Variants in EXTL3 observed in about 807,000 individuals in gnomAD.
EXTL3 encodes exostosin like glycosyltransferase 3.
Under a neutral mutation model 69.3 loss-of-function variants are expected in EXTL3, and 27 were observed. The ratio of observed to expected loss-of-function variants is 0.39; its 90% CI spans 0.29 to 0.54. The LOEUF (loss-of-function observed/expected upper bound fraction) is 0.54. Among genes scored for constraint, EXTL3 ranks in the 20% least tolerant of loss-of-function variants. The probability of loss-of-function intolerance (pLI) is 0.69; values close to 1 mark genes in which losing one functional copy is unlikely to be tolerated. For synonymous variants in EXTL3, 511 were observed against 499.4 expected, an observed-to-expected ratio of 1.02 and a Z score of -0.31; for missense variants, 1,003 against 1,231.8, an observed-to-expected ratio of 0.81 and a Z score of 2.78.
chr8:28,704,560 C>T (rs1245164266), intron 1 of EXTL3, among the ~76,000 whole-genome samples: 1 of 152,118 alleles, frequency 6.6e-6, no homozygotes, highest in Admixed American at 6.5e-5. Flanking sequence ...TGGATGTTTG[C>T]TTTTTTGACC....
intron 1 of EXTL3, among the ~76,000 whole-genome samples, chr8:28,657,824 G>C (rs1260579303): frequency 1.3e-5 from 2 of 152,176 alleles, no homozygotes; most frequent in African/African-American, 2.4e-5. Flanking sequence ...AGAGTTCCAA[G>C]CTTGGCTTGG....
chr8:28,694,719 AAT>A (rs1800660455), intron 1 of EXTL3, among the ~76,000 whole-genome samples: 1 of 152,226 alleles, frequency 6.6e-6, no homozygotes, highest in Admixed American at 6.5e-5. Flanking sequence ...CTGGCTCTGA[AAT>A]AACTAAGGGG....
At chr8:28,724,098 T>C (rs1231120121) in intron 3 of EXTL3, among the ~76,000 whole-genome samples, 2 of 152,038 alleles carry the variant, frequency 1.3e-5, no homozygotes, top group African/African-American at 4.8e-5. Context: ...ATATGAAATA[T>C]ACATGTAAAA....
At chr8:28,707,997 C>T (rs1224971207) in intron 1 of EXTL3, among the ~76,000 whole-genome samples, 7 of 152,198 alleles carry the variant, frequency 4.6e-5, no homozygotes, top group African/African-American at 1.7e-4. Flanking sequence ...ATATATTCAG[C>T]AGCGGAAGGA....
chr8:28,641,972 A>G (rs112434116), intron 1 of EXTL3, among the ~76,000 whole-genome samples: 2,553 of 152,096 alleles, frequency 0.017, 70 homozygotes, highest in African/African-American at 0.058. Flanking sequence ...AGTAGCTGGG[A>G]CTACAGGTGC....
At chr8:28,677,079 G>A (rs1282950610) in intron 1 of EXTL3, among the ~76,000 whole-genome samples, 1 of 152,078 alleles carries the variant, frequency 6.6e-6, no homozygotes, top group East Asian at 1.9e-4. Flanking sequence ...TTTATAGGTC[G>A]AGGTGAAGGA....
At chr8:28,622,498 C>T (rs1585217886), upstream of EXTL3, among the ~76,000 whole-genome samples, 1 of 152,002 alleles carries the variant, frequency 6.6e-6, no homozygotes, top group African/African-American at 2.4e-5. Flanking sequence ...AGAAGGCGGG[C>T]CCGGGAGCCG....
chr8:28,690,073 G>A (rs951553673), intron 1 of EXTL3, among the ~76,000 whole-genome samples: 39 of 152,040 alleles, frequency 2.6e-4, no homozygotes, highest in African/African-American at 9.4e-4. Flanking sequence ...GGCTGAAATA[G>A]GATAAAAGGG....
chr8:28,694,512 A>G (rs778235101), intron 1 of EXTL3, among the ~76,000 whole-genome samples: 12 of 152,250 alleles, frequency 7.9e-5, no homozygotes, highest in Admixed American at 4.6e-4. Context: ...CACAGCTGGT[A>G]AAGTTTCAGG....
chr8:28,716,550 A>G lies in EXTL3; in HGVS notation c.491A>G (p.Asp164Gly). Residue 164 changes from aspartate (D) to glycine (G), a missense_variant, in exon 3 of 7, where the codon GAC becomes GGC. By Grantham distance (94) the Asp-to-Gly change is moderately conservative (BLOSUM62 -1). Around this residue, in one of 2 missense-constraint regions of EXTL3, gnomAD observed 742 missense variants for 815.4 expected, o/e 0.91. Transcript: ENST00000220562. The surrounding 1 kb of genome is among the most constrained non-coding windows in gnomAD (Gnocchi z 7.1). ...SLPIRLLPEK[D>G]DAGLPPPKAT... The stretch of plus-strand genomic sequence containing the variant: ...CCCATCCGACTGCTCCCAGAGAAGG[A>G]CGATGCCGGCCTCCCTCCCCCGAAG... 6.2e-7 allele frequency: 1 copy of G among 1,614,148 alleles called. No homozygotes were observed. Among genetic ancestry groups the G allele is most frequent in the Non-Finnish European group, 8.5e-7 (1 of 1,180,032 alleles).
chr8:28,723,875 T>C (rs10090433), intron 3 of EXTL3, among the ~76,000 whole-genome samples: 112,219 of 151,930 alleles, frequency 0.74, 42,372 homozygotes, highest in African/African-American at 0.9. Context: ...CTCCTGACCT[T>C]AGGTGATCTG....
At chr8:28,700,749 C>G (rs1201729217), upstream of EXTL3, 1 of 152,262 alleles carries the variant, frequency 6.6e-6, no homozygotes, top group Non-Finnish European at 1.5e-5. Flanking sequence ...CTAAGTTAAG[C>G]AGGTGACCAG....
At chr8:28,720,131 G>A (rs1801264610) in intron 3 of EXTL3, among the ~76,000 whole-genome samples, 1 of 151,932 alleles carries the variant, frequency 6.6e-6, no homozygotes, top group African/African-American at 2.4e-5. Context: ...AGGAGAGGCG[G>A]GTGTTCTGGG....
chr8:28,689,215 A>C (rs1563205057), intron 1 of EXTL3, among the ~76,000 whole-genome samples: 1 of 152,222 alleles, frequency 6.6e-6, no homozygotes, highest in African/African-American at 2.4e-5. Flanking sequence ...GCATTTGTGC[A>C]TGTGACAGAT....
At chr8:28,725,397 A>T (rs1326866541) in intron 3 of EXTL3, among the ~76,000 whole-genome samples, 3 of 152,024 alleles carry the variant, frequency 2.0e-5, no homozygotes, top group Non-Finnish European at 4.4e-5. Flanking sequence ...ATGGAGGTGG[A>T]TGGGTTTTTT....
At chr8:28,738,572 C>T (rs534437296) in intron 5 of EXTL3, among the ~76,000 whole-genome samples, 1 of 152,294 alleles carries the variant, frequency 6.6e-6, no homozygotes, top group Non-Finnish European at 1.5e-5. Flanking sequence ...CTGAAGTGTT[C>T]CCGGGCCCTG....
rs1274377171 is a variant in EXTL3 at position 28,690,892 on chromosome 8, C to T, written c.-52-22565C>T. Among the ~76,000 whole-genome samples the T allele has an allele frequency of 3.9e-5, 6 of 152,106 alleles. No homozygotes were observed. The South Asian group carries it at 1.0e-3, about 26-fold the overall frequency. ...AGTTAGGGTGTGGGTGGAGACTTCA[C>T]AACTGTGTGAATACCAGGGGGCAGG... On this transcript the variant is annotated intron_variant, in intron 1 of 6. Transcript: ENST00000523149.
At chr8:28,672,222 C>G (rs1013361774) in intron 1 of EXTL3, among the ~76,000 whole-genome samples, 1 of 151,978 alleles carries the variant, frequency 6.6e-6, no homozygotes, top group African/African-American at 2.4e-5. Context: ...TCGAGACCAT[C>G]CTGGCTAACA....
chr8:28,727,040 G>A (rs966582622), intron 3 of EXTL3, among the ~76,000 whole-genome samples: 4 of 151,650 alleles, frequency 2.6e-5, no homozygotes, highest in African/African-American at 9.7e-5. Flanking sequence ...CCCCATGCCT[G>A]GCTAGATTTT....
Sources: gnomAD v4.1 joint callset for allele counts (sites outside exome capture counted in the v4.1 genomes callset) on GRCh38, gnomAD v4.1.1 for gene constraint, gnomAD v4.1.1 regional missense constraint, Gnocchi (gnomAD v3.1) non-coding constraint, MANE v1.5 for transcripts, NCBI Gene and HGNC (gene_info 2026-07-23, HGNC 2026-07-21) for gene names.